Variants in TRAF1 observed in about 807,000 individuals in gnomAD.
TRAF1 encodes the protein TNF receptor-associated factor 1.
A neutral mutation model predicts 40.9 loss-of-function variants in TRAF1; 23 were observed. The ratio of observed to expected loss-of-function variants is 0.56; its 90% confidence interval spans 0.40 to 0.80. The LOEUF (loss-of-function observed/expected upper bound fraction) is 0.80, where lower values mean the gene tolerates loss of function less well. TRAF1 is among the 30% of genes least tolerant of loss of function. The pLI, the probability that TRAF1 is intolerant of heterozygous loss-of-function variation, is 0.00. For missense variants in TRAF1, 477 were observed against 528.7 expected, an observed-to-expected ratio of 0.90 and a Z score of 0.96; for synonymous variants, 206 against 218.8, an observed-to-expected ratio of 0.94 and a Z score of 0.52.
intron 3 of TRAF1, among the ~76,000 whole-genome samples, chr9:120,917,022 A>AAAATGATC (rs57288701): frequency 0.023 from 3,532 of 152,316 alleles, 127 homozygotes; most frequent in African/African-American, 0.081. Flanking sequence ...TAAGAACATG[A>AAAATGATC]AAATGATCAA....
At chr9:120,911,196 T>G in intron 6 of TRAF1, 140 bp downstream of exon 6, 3 of 965,170 alleles carry the variant, frequency 3.1e-6, no homozygotes, top group Non-Finnish European at 4.6e-6. Flanking sequence ...TTCCTGCCCA[T>G]GGTGAGTGGC....
intron 5 of TRAF1, among the ~76,000 whole-genome samples, chr9:120,912,385 G>A (rs1019812863): frequency 6.6e-6 from 1 of 152,178 alleles, no homozygotes; most frequent in African/African-American, 2.4e-5. Flanking sequence ...GGCCAGGCGC[G>A]GTGGCTTATG....
chr9:120,921,397 A>G (rs942676290), intron 3 of TRAF1, among the ~76,000 whole-genome samples: 10 of 152,284 alleles, frequency 6.6e-5, no homozygotes, highest in East Asian at 1.9e-4. Context: ...AAAAGATGAA[A>G]AAAAGCCATT....
At chr9:120,911,865 G>A (rs987769330) in intron 5 of TRAF1, among the ~76,000 whole-genome samples, 20 of 152,314 alleles carry the variant, frequency 1.3e-4, no homozygotes, top group Middle Eastern at 3.4e-3. Flanking sequence ...TGCTCATTGT[G>A]TCTTTGTGTC....
intron 7 of TRAF1, among the ~76,000 whole-genome samples, chr9:120,907,559 C>G (rs1170156704): frequency 1.3e-5 from 2 of 152,318 alleles, no homozygotes; most frequent in East Asian, 3.9e-4. Flanking sequence ...AACTGTCTTT[C>G]AAAGTGGCCG....
chr9:120,915,683 TA>T (rs1384916644), intron 3 of TRAF1, among the ~76,000 whole-genome samples: 3 of 151,910 alleles, frequency 2.0e-5, no homozygotes, highest in Non-Finnish European at 4.4e-5. Flanking sequence ...AAAAATTTTT[TA>T]ATTAGCAGTC....
At chr9:120,919,233 T>C (rs981170342) in intron 3 of TRAF1, among the ~76,000 whole-genome samples, 2 of 152,114 alleles carry the variant, frequency 1.3e-5, no homozygotes, top group African/African-American at 2.4e-5. Flanking sequence ...AAAAATAAAG[T>C]GTGCAGTGGA....
chr9:120,914,356 G>A, intron 3 of TRAF1, 56 bp from the exon 4 acceptor site: 2 of 1,370,336 alleles, frequency 1.5e-6, no homozygotes, highest in South Asian at 2.1e-5. Flanking sequence ...GCTACCCTGG[G>A]GCTCTCTTCA....
chr9:120,903,506 A>G lies in TRAF1; in HGVS notation c.*1514T>C, dbSNP rs1161824015. 1 of 152,280 alleles carries G rather than the reference A, an allele frequency of 6.6e-6. No individual in the cohort carries two copies. Among genetic ancestry groups the G allele is most frequent in the East Asian group, 1.9e-4 (1 of 5,200 alleles). The allele number at this position is 152,280 out of a possible 1,614,324, so 9.4% of individuals were successfully genotyped here. A position where few individuals can be genotyped will look rare whatever the true frequency, so the allele number is the denominator to read the frequency against. Reference sequence around the variant, plus strand: ...AGAGAACAGGAAGGGCTACTGACCCATTTTTATAGAAGCAACCCTAACGAT... The same window carrying G: ...AGAGAACAGGAAGGGCTACTGACCCGTTTTTATAGAAGCAACCCTAACGAT... On this transcript the variant is annotated 3_prime_UTR_variant, in exon 8 of 8. Transcript: ENST00000373887.
rs1008030791 is a variant in TRAF1 at position 120,911,371 on chromosome 9, G to A, written c.848C>T (p.Ser283Leu). 6.2e-6 allele frequency: 10 copies of A among 1,613,614 alleles called. No individual in the cohort carries two copies. The highest frequency in any genetic ancestry group is 1.7e-5 in the Admixed American group (1 of 60,024). The change falls in exon 6 of 8, where the codon TCG becomes TTG. Residue 283 changes from serine (S) to leucine (L), a missense_variant. Transcript: ENST00000373887. ...GAGGCTGACGGTCCTGCCACAGGCCGACTCATGGCACCGCCTGGTGACATT... is the reference window on the plus strand; with the variant it reads ...GAGGCTGACGGTCCTGCCACAGGCCAACTCATGGCACCGCCTGGTGACATT... ...ITNVTRRCHE[S>L]ACGRTVSLFS...
chr9:120,925,807 G>A (rs2046636148), intron 2 of TRAF1, 129 bp downstream of exon 2: 1 of 1,336,082 alleles, frequency 7.5e-7, no homozygotes. Flanking sequence ...AGAAAAGGGT[G>A]TGGAAACTGA....
intron 5 of TRAF1, among the ~76,000 whole-genome samples, chr9:120,911,925 G>C (rs2131623417): frequency 6.6e-6 from 1 of 152,276 alleles, no homozygotes; most frequent in African/African-American, 2.4e-5. Flanking sequence ...GGAAGTTTGT[G>C]GGTGAAATGA....
intron 7 of TRAF1, among the ~76,000 whole-genome samples, chr9:120,906,625 T>C (rs2046484856): frequency 6.6e-6 from 1 of 152,212 alleles, no homozygotes. Context: ...GTGGTAGTTT[T>C]GTAACAATTG....
upstream of TRAF1, chr9:120,927,260 T>C (rs747072196): frequency 2.0e-5 from 3 of 152,152 alleles, no homozygotes; most frequent in Non-Finnish European, 4.4e-5. Flanking sequence ...TCCCTACACA[T>C]CTTTCCATCC....
intron 5 of TRAF1, among the ~76,000 whole-genome samples, chr9:120,911,826 A>AAAAATTTTCCCTACCGACATATTTTTC (rs1305034193): frequency 1.2e-4 from 19 of 152,178 alleles, no homozygotes; most frequent in Non-Finnish European, 5.9e-5. Flanking sequence ...TCCCTACCAG[A>AAAAATTTTCCCTACCGACATATTTTTC]TGGTCTCCTC....
At chr9:120,913,189 TG>T in intron 5 of TRAF1, 138 bp downstream of exon 5, 1 of 1,078,152 alleles carries the variant, frequency 9.3e-7, no homozygotes, top group Non-Finnish European at 1.3e-6. Flanking sequence ...CCTGGAAGGG[TG>T]TGGGATAAAG....
intron 3 of TRAF1, among the ~76,000 whole-genome samples, chr9:120,917,272 T>C (rs938183742): frequency 6.6e-6 from 1 of 152,146 alleles, no homozygotes; most frequent in African/African-American, 2.4e-5. Context: ...TCCATCATCA[T>C]TATTCATTCC....
chr9:120,905,168 G>A lies in TRAF1; in HGVS notation c.1103C>T (p.Ser368Leu). ...AIDAFRPDLS[S>L]ASFQRPQSET... Reference sequence around the variant, plus strand: ...ACTCTGGGGCCTCTGGAAGGACGCTGAGCTTAGGTCAGGCCGGAAGGCGTC... The same window carrying A: ...ACTCTGGGGCCTCTGGAAGGACGCTAAGCTTAGGTCAGGCCGGAAGGCGTC... The change falls in exon 8 of 8, where the codon TCA becomes TTA. Residue 368 changes from serine (S) to leucine (L), a missense_variant. Coordinates refer to ENST00000373887, the MANE Select transcript of TRAF1 (RefSeq NM_005658.5). 1 of 1,614,240 alleles carries A rather than the reference G, an allele frequency of 6.2e-7. No homozygotes were observed.
chr9:120,925,946 C>G lies in TRAF1; in HGVS notation c.130G>C (p.Glu44Gln), dbSNP rs768253026. The G allele has an allele frequency of 1.2e-6, 2 of 1,613,990 alleles. No individual in the cohort carries two copies. The highest frequency in any genetic ancestry group is 1.3e-5 in the African/African-American group (1 of 75,050). The change falls in exon 2 of 8, where the codon GAG becomes CAG. Residue 44 changes from glutamate (E) to glutamine (Q), a missense_variant. Coordinates refer to ENST00000373887, the MANE Select transcript of TRAF1 (RefSeq NM_005658.5). ...RALCCAGCLS[E>Q]NPRNGEDQIC... is the part of the protein sequence containing the mutation. ...CCTCCATCACCTCACCTCGGGTTCT[C>G]AGAGAGACAGCCTGCACAGCAGAGA...
Sources: allele counts gnomAD v4.1 joint callset (sites outside exome capture counted in the v4.1 genomes callset), GRCh38; gene constraint gnomAD v4.1.1; transcripts MANE v1.5; gene names NCBI Gene and HGNC (gene_info 2026-07-23, HGNC 2026-07-21).